SIL1: variants seen among roughly 807,000 people sequenced by gnomAD.
SIL1 encodes nucleotide exchange factor SIL1.
In SIL1, 40 loss-of-function variants were observed where a neutral mutation model predicts 49.1. The observed-to-expected ratio is 0.81, with a 90% CI of 0.63 to 1.06. The LOEUF is 1.06. SIL1 is among the 50% of genes least tolerant of loss of function. The pLI, the probability that SIL1 is intolerant of heterozygous loss-of-function variation, is 0.00. For synonymous variants in SIL1, 253 were observed against 250.8 expected (o/e 1.01, Z -0.08); for missense variants, 500 against 572.6 (o/e 0.87, Z 1.29).
chr5:139,056,463 G>C (rs529889602), intron 3 of SIL1, among the ~76,000 whole-genome samples: 1 of 132,936 alleles, frequency 7.5e-6, no homozygotes, highest in Non-Finnish European at 1.6e-5. Flanking sequence ...AGTGAGGAGC[G>C]TCTCCGCCCG....
At chr5:139,040,515 T>TTTTTG (rs1769023031) in intron 5 of SIL1, among the ~76,000 whole-genome samples, 1 of 113,030 alleles carries the variant, frequency 8.8e-6, no homozygotes, top group African/African-American at 3.2e-5. Context: ...TTTTTTTTTT[T>TTTTTG]GAGACAGAGT....
At chr5:139,110,174 A>G (rs1166572809) in intron 3 of SIL1, among the ~76,000 whole-genome samples, 1 of 151,892 alleles carries the variant, frequency 6.6e-6, no homozygotes, top group Non-Finnish European at 1.5e-5. Flanking sequence ...GTCTCGAAAA[A>G]AAAAAAAAAG....
chr5:138,960,410 C>G (rs1378913282), intron 7 of SIL1, among the ~76,000 whole-genome samples: 3 of 146,912 alleles, frequency 2.0e-5, no homozygotes, highest in Non-Finnish European at 4.5e-5. Flanking sequence ...TACAAATCTA[C>G]GTCTTTTTTT....
intron 3 of SIL1, chr5:139,108,225 A>G (rs1201926442): frequency 6.6e-6 from 1 of 152,228 alleles, no homozygotes; most frequent in Non-Finnish European, 1.5e-5. Flanking sequence ...GATTAAGGGT[A>G]AAGAAAAGGC....
intron 3 of SIL1, among the ~76,000 whole-genome samples, chr5:139,058,344 A>G (rs1769504528): frequency 6.6e-6 from 1 of 152,100 alleles, no homozygotes; most frequent in Non-Finnish European, 1.5e-5. Flanking sequence ...TAAAAAAAAA[A>G]ACACCAAATT....
At chr5:139,170,482 C>A (rs1751730144) in intron 1 of SIL1, among the ~76,000 whole-genome samples, 1 of 151,598 alleles carries the variant, frequency 6.6e-6, no homozygotes, top group Non-Finnish European at 1.5e-5. Flanking sequence ...GCCCGGCCGC[C>A]CATCGTCTGA....
At chr5:139,152,684 T>G (rs1247733940) in intron 1 of SIL1, among the ~76,000 whole-genome samples, 1 of 151,328 alleles carries the variant, frequency 6.6e-6, no homozygotes, top group African/African-American at 2.4e-5. Context: ...AGCCAGACCA[T>G]GAATCTGACC....
chr5:139,193,440 C>T (rs1014038058), intron 1 of SIL1, among the ~76,000 whole-genome samples: 12 of 151,640 alleles, frequency 7.9e-5, no homozygotes, highest in Non-Finnish European at 1.3e-4. Context: ...TGGTGGTGGG[C>T]GCCTATAATC....
intron 3 of SIL1, among the ~76,000 whole-genome samples, chr5:139,082,280 G>T (rs1309610968): frequency 6.6e-6 from 1 of 152,184 alleles, no homozygotes; most frequent in African/African-American, 2.4e-5. Flanking sequence ...TCTCTAACCA[G>T]GTTTGTATGG....
intron 3 of SIL1, among the ~76,000 whole-genome samples, chr5:139,054,422 A>C (rs1769359383): frequency 6.6e-6 from 1 of 152,160 alleles, no homozygotes; most frequent in Non-Finnish European, 1.5e-5. Context: ...AATTAAAAAA[A>C]TAATAATTAT....
chr5:139,041,048 C>T (rs893854718), intron 5 of SIL1, among the ~76,000 whole-genome samples: 3 of 152,038 alleles, frequency 2.0e-5, no homozygotes, highest in Non-Finnish European at 4.4e-5. Flanking sequence ...CACATGGAAC[C>T]GACAGTGGGT....
rs555926502 is a variant in SIL1, at chr5:139,176,627, C to CTCTG, written c.-11+21638_-11+21641dup. On this transcript the variant is annotated intron_variant, in intron 1 of 9. Coordinates refer to ENST00000394817, the MANE Select transcript of SIL1 (RefSeq NM_022464.5). Reference sequence around the variant, plus strand: ...ACAGATTCAACGTCAGGTGAGGGATCTCTGCTTCATAGATGGCACCTTCTT... The same window carrying CTCTG: ...ACAGATTCAACGTCAGGTGAGGGATCTCTGTCTGCTTCATAGATGGCACCTTCTT... Among the ~76,000 whole-genome samples the CTCTG allele has an allele frequency of 1.1e-4, 17 of 152,278 alleles. 1 individual carries two copies. The East Asian group carries it at 2.5e-3, about 22-fold the overall frequency.
chr5:139,047,665 G>A (rs933035906), intron 4 of SIL1, among the ~76,000 whole-genome samples: 1 of 152,226 alleles, frequency 6.6e-6, no homozygotes, highest in African/African-American at 2.4e-5. Context: ...CTATTCCAGT[G>A]CTAAGGGGCC....
At chr5:138,958,794 G>A (rs1473648912) in intron 7 of SIL1, among the ~76,000 whole-genome samples, 1 of 151,006 alleles carries the variant, frequency 6.6e-6, no homozygotes, top group African/African-American at 2.4e-5. Context: ...TGTTCAACCT[G>A]TACCATGATG....
intron 4 of SIL1, among the ~76,000 whole-genome samples, chr5:139,043,824 G>A (rs1302041644): frequency 2.6e-5 from 4 of 152,238 alleles, no homozygotes; most frequent in Non-Finnish European, 5.9e-5. Flanking sequence ...TGATGTGCAC[G>A]AAGGGAAGAG....
chr5:139,007,824 G>C (rs904996825), intron 7 of SIL1, among the ~76,000 whole-genome samples: 4 of 143,898 alleles, frequency 2.8e-5, no homozygotes, highest in Admixed American at 2.1e-4. Context: ...CTTGATCATG[G>C]TGGATAAGCT....
At chr5:139,160,143 T>TCACACACACA (rs57028301) in intron 1 of SIL1, among the ~76,000 whole-genome samples, 14 of 137,866 alleles carry the variant, frequency 1.0e-4, no homozygotes, top group South Asian at 2.4e-4. Context: ...ATTTCCACAA[T>TCACACACACA]CACACACACA....
chr5:138,998,141 T>C (rs1013522847), intron 7 of SIL1, among the ~76,000 whole-genome samples: 1 of 152,196 alleles, frequency 6.6e-6, no homozygotes, highest in African/African-American at 2.4e-5. Flanking sequence ...TTTATGCTGC[T>C]ATAAAGAAAC....
intron 2 of SIL1, among the ~76,000 whole-genome samples, chr5:139,123,260 T>A (rs1750682068): frequency 6.6e-6 from 1 of 152,162 alleles, no homozygotes. Flanking sequence ...TAGGTGTGCT[T>A]ATGAGACTAC....
Sources: allele counts gnomAD v4.1 joint callset (sites outside exome capture counted in the v4.1 genomes callset), GRCh38; gene constraint gnomAD v4.1.1; transcripts MANE v1.5; gene names NCBI Gene and HGNC (gene_info 2026-07-23, HGNC 2026-07-21).